SPATA9: variants seen among roughly 807,000 people sequenced by gnomAD.
SPATA9 encodes the protein spermatogenesis-associated protein 9.
A neutral mutation model predicts 25.5 loss-of-function variants in SPATA9; 27 were observed. The observed-to-expected ratio is 1.06, with a 90% confidence interval of 0.78 to 1.46. The LOEUF (loss-of-function observed/expected upper bound fraction) is 1.46. SPATA9 is among the 40% of genes most tolerant of loss of function. The probability of loss-of-function intolerance (pLI) is 0.00; values close to 1 mark genes in which losing one functional copy is unlikely to be tolerated. For missense variants in SPATA9, 282 were observed against 297.5 expected (o/e 0.95, Z 0.38); for synonymous variants, 102 against 105.7 (o/e 0.97, Z 0.21).
In SPATA9 at chr5:95,694,189, T is replaced by C. The variant is rs191231957; in HGVS notation, n.124+4399A>G. ...AAAAGGCAAATAAATAAGTATTACA[T>C]ACATTTTAAGTATATATATGTAAGT... On this transcript the variant is annotated intron_variant and non_coding_transcript_variant, in intron 1 of 2. Coordinates refer to the SPATA9 transcript ENST00000379990. Among the ~76,000 whole-genome samples, 6 of 152,260 alleles carry C rather than the reference T, an allele frequency of 3.9e-5. No homozygotes were observed. In the East Asian group the frequency reaches 9.6e-4, roughly 24 times the overall value.
chr5:95,653,312 C>T, intron 8 of SPATA9: 2 of 1,486,860 alleles, frequency 1.3e-6, no homozygotes, highest in Non-Finnish European at 1.8e-6. Flanking sequence ...CCAGGCAAAA[C>T]CAAGTGGACC....
chr5:95,657,608 A>G (rs558065413), downstream of SPATA9: 1 of 152,258 alleles, frequency 6.6e-6, no homozygotes, highest in South Asian at 2.1e-4. Context: ...GGTTATTATA[A>G]AAATAGTAAA....
At chr5:95,661,932 TAAA>T (rs1301170253) in intron 4 of SPATA9, among the ~76,000 whole-genome samples, 3 of 151,930 alleles carry the variant, frequency 2.0e-5, no homozygotes, top group African/African-American at 4.8e-5. Context: ...CAAAAAAACA[TAAA>T]AATGATTAAA....
At chr5:95,681,382 A>G (rs1235012205) in intron 2 of SPATA9, among the ~76,000 whole-genome samples, 2 of 151,846 alleles carry the variant, frequency 1.3e-5, no homozygotes, top group Non-Finnish European at 2.9e-5. Context: ...GCCCCTACCC[A>G]CTGATCCCAC....
At chr5:95,714,761 AT>A in the SPATA9 span, among the ~76,000 whole-genome samples, 1 of 151,152 alleles carries the variant, frequency 6.6e-6, no homozygotes, top group Non-Finnish European at 1.5e-5. Flanking sequence ...AAATCACTGT[AT>A]TTTTATACAC....
At chr5:95,670,846 C>A (rs1420705573) in intron 3 of SPATA9, 4 of 985,300 alleles carry the variant, frequency 4.1e-6, no homozygotes, top group Non-Finnish European at 4.8e-6. Flanking sequence ...CTCTCCAGGC[C>A]ATTGTCCTCA....
At chr5:95,661,895 A>G (rs903621186) in intron 4 of SPATA9, among the ~76,000 whole-genome samples, 3 of 152,078 alleles carry the variant, frequency 2.0e-5, no homozygotes, top group Non-Finnish European at 2.9e-5. Flanking sequence ...ATGTTTTGAT[A>G]TATTAACAAA....
At chr5:95,705,578 G>C in the SPATA9 span, among the ~76,000 whole-genome samples, 2 of 152,108 alleles carry the variant, frequency 1.3e-5, no homozygotes, top group Admixed American at 1.3e-4. Context: ...TGGTAATAAT[G>C]TGTATGAAGT....
the SPATA9 span, among the ~76,000 whole-genome samples, chr5:95,713,905 T>A: frequency 6.6e-6 from 1 of 151,828 alleles, no homozygotes; most frequent in Non-Finnish European, 1.5e-5. Context: ...TGCACACAAA[T>A]ACACATGTGC....
the SPATA9 span, among the ~76,000 whole-genome samples, chr5:95,719,980 A>G: frequency 6.6e-6 from 1 of 152,192 alleles, no homozygotes; most frequent in Non-Finnish European, 1.5e-5. Flanking sequence ...AAAGATAATA[A>G]TGGGCTTCCC....
At chr5:95,684,930 G>A (rs1177058136), upstream of SPATA9, among the ~76,000 whole-genome samples, 1 of 152,070 alleles carries the variant, frequency 6.6e-6, no homozygotes, top group African/African-American at 2.4e-5. Context: ...GTACTTAAAA[G>A]GCTTTAATAC....
intron 2 of SPATA9, among the ~76,000 whole-genome samples, chr5:95,675,964 C>T (rs1488901138): frequency 5.3e-5 from 8 of 151,656 alleles, no homozygotes; most frequent in South Asian, 4.2e-4. Context: ...TGGGCATACA[C>T]GCAAGCACCA....
the SPATA9 span, among the ~76,000 whole-genome samples, chr5:95,729,703 C>T: frequency 1.3e-5 from 2 of 152,102 alleles, no homozygotes; most frequent in African/African-American, 4.8e-5. Context: ...CCCCTGGTAA[C>T]CATGATTCTA....
At chr5:95,690,547 G>T (rs1753854859) in intron 1 of SPATA9, among the ~76,000 whole-genome samples, 1 of 152,158 alleles carries the variant, frequency 6.6e-6, no homozygotes, top group African/African-American at 2.4e-5. Flanking sequence ...ACTGGTCTTA[G>T]TTGTGATGAT....
upstream of SPATA9, chr5:95,684,452 A>G (rs1753678775): frequency 6.6e-6 from 1 of 152,162 alleles, no homozygotes; most frequent in African/African-American, 2.4e-5. Context: ...TTCTCTTTTC[A>G]TCAGTCCTCT....
chr5:95,652,730 C>T (rs1447525220), downstream of SPATA9: 4 of 242,344 alleles, frequency 1.7e-5, no homozygotes, highest in Non-Finnish European at 3.1e-5. Context: ...TGAATAGTGC[C>T]TGGCACATAG....
At chr5:95,656,338 G>T (rs2112528078), downstream of SPATA9, 1 of 1,540,264 alleles carries the variant, frequency 6.5e-7, no homozygotes, top group Non-Finnish European at 8.8e-7. Context: ...GAAAAATGTT[G>T]TGTATGCTTG....
At chr5:95,664,266 A>T (rs1751550110) in intron 3 of SPATA9, among the ~76,000 whole-genome samples, 1 of 152,190 alleles carries the variant, frequency 6.6e-6, no homozygotes, top group Admixed American at 6.5e-5. Flanking sequence ...AATCTATAAA[A>T]ATCTTGCATT....
At chr5:95,653,418 T>G (rs1255802751), downstream of SPATA9, among the ~76,000 whole-genome samples, 1 of 152,264 alleles carries the variant, frequency 6.6e-6, no homozygotes, top group Non-Finnish European at 1.5e-5. Context: ...TGTTGTTTAG[T>G]GTTGAATTTG....
Sources: allele counts gnomAD v4.1 joint callset (sites outside exome capture counted in the v4.1 genomes callset), GRCh38; gene constraint gnomAD v4.1.1; transcripts MANE v1.5; gene names NCBI Gene and HGNC (gene_info 2026-07-23, HGNC 2026-07-21).